Variants in COLEC10 observed in about 807,000 individuals in gnomAD.
COLEC10 encodes collectin subfamily member 10.
In COLEC10, 22 loss-of-function variants were observed where a neutral mutation model predicts 28.4. That is an observed-to-expected ratio of 0.78 (90% CI 0.55 to 1.11). The LOEUF (loss-of-function observed/expected upper bound fraction) is 1.11, where lower values mean the gene tolerates loss of function less well. Among genes scored for constraint, COLEC10 ranks in the 50% least tolerant of loss-of-function variants. COLEC10 has a pLI of 0.00. For missense variants in COLEC10, 361 were observed against 344.1 expected, an observed-to-expected ratio of 1.05 and a Z score of -0.39; for synonymous variants, 125 against 116.1, an observed-to-expected ratio of 1.08 and a Z score of -0.49.
Position 119,101,184 on chromosome 8 carries a change from G to A in COLEC10, c.293-1164G>A, listed in dbSNP as rs183719330. 3.9e-5 allele frequency among the ~76,000 whole-genome samples: 6 copies of A among 152,208 alleles called. No homozygotes were observed. The East Asian group carries it at 1.2e-3, about 29-fold the overall frequency. On this transcript the variant is annotated intron_variant, in intron 3 of 5. Transcript: ENST00000332843. ...CCCTTTTGCATTGTCCCCTTGGGCC[G>A]TATAACTAATTCTCTGACCACACCA... is the stretch of plus-strand genomic sequence containing the variant.
chr8:118,983,539 A>G, the COLEC10 span, among the ~76,000 whole-genome samples: 2,677 of 152,236 alleles, frequency 0.018, 70 homozygotes, highest in African/African-American at 0.061. Context: ...GACACATTGA[A>G]GTCCTAACCC....
In COLEC10 at chr8:119,091,055, C is replaced by T. The variant is rs535662774; in HGVS notation, c.221-94C>T. The T allele has an allele frequency of 6.1e-5, 57 of 937,938 alleles. 1 individual carries two copies. The highest frequency in any genetic ancestry group is 5.9e-4 in the South Asian group (43 of 72,914). The allele number at this position is 937,938 out of a possible 1,614,324, so 58.1% of individuals were successfully genotyped here. A position where few individuals can be genotyped will look rare whatever the true frequency, so the allele number is the denominator to read the frequency against. ...TAGATATCACTGGTAGAAGAATATA[C>T]TTGTTGGTATTTCTTTCAAGTGAAT... On this transcript the variant is annotated intron_variant, in intron 2 of 5. Coordinates refer to ENST00000332843, the MANE Select transcript of COLEC10 (RefSeq NM_006438.5).
chr8:118,989,534 TACACACACACACACACACACACACACAC>T, the COLEC10 span, among the ~76,000 whole-genome samples: 6 of 128,660 alleles, frequency 4.7e-5, no homozygotes, highest in Non-Finnish European at 6.7e-5. Context: ...ACAGACAAAA[TACACACACACACACACACACACACACAC>T]ACACACACAC....
intron 2 of COLEC10, among the ~76,000 whole-genome samples, chr8:119,011,251 T>C (rs550385663): frequency 1.3e-5 from 2 of 151,106 alleles, no homozygotes; most frequent in African/African-American, 4.9e-5. Context: ...TTCTCCATTG[T>C]ATTGCTTTTG....
chr8:118,974,103 C>T, the COLEC10 span, among the ~76,000 whole-genome samples: 1 of 151,888 alleles, frequency 6.6e-6, no homozygotes, highest in Non-Finnish European at 1.5e-5. Context: ...TTCTAAAAGG[C>T]CTTTCTAGTC....
intron 2 of COLEC10, among the ~76,000 whole-genome samples, chr8:119,047,511 T>G (rs1361919738): frequency 6.6e-6 from 1 of 152,214 alleles, no homozygotes; most frequent in Non-Finnish European, 1.5e-5. Context: ...AAGGAAGCTT[T>G]GATTGTATTT....
At chr8:119,036,547 T>C (rs1249257675) in intron 2 of COLEC10, among the ~76,000 whole-genome samples, 1 of 152,190 alleles carries the variant, frequency 6.6e-6, no homozygotes, top group Non-Finnish European at 1.5e-5. Flanking sequence ...ATTAGGCATG[T>C]ATTAATATTA....
intron 2 of COLEC10, among the ~76,000 whole-genome samples, chr8:119,053,855 A>C (rs888030364): frequency 6.6e-6 from 1 of 152,194 alleles, no homozygotes; most frequent in Admixed American, 6.5e-5. Context: ...GGATACTTGA[A>C]ACCGTGGATA....
At chr8:118,968,773 G>GC in the COLEC10 span, among the ~76,000 whole-genome samples, 2 of 151,460 alleles carry the variant, frequency 1.3e-5, no homozygotes, top group Non-Finnish European at 2.9e-5. Context: ...TCCCTCCCTG[G>GC]CCCCCTACCC....
At chr8:119,097,780 T>C (rs938522782) in intron 3 of COLEC10, among the ~76,000 whole-genome samples, 1 of 152,064 alleles carries the variant, frequency 6.6e-6, no homozygotes, top group Non-Finnish European at 1.5e-5. Flanking sequence ...TAAGATCTCA[T>C]GTATTGCTCG....
intron 1 of COLEC10, among the ~76,000 whole-genome samples, chr8:119,069,153 G>A (rs781157643): frequency 1.2e-4 from 18 of 151,790 alleles, no homozygotes; most frequent in South Asian, 2.1e-4. Context: ...TCTTGAGGCC[G>A]GCACCAATTT....
chr8:118,973,301 G>A, the COLEC10 span, among the ~76,000 whole-genome samples: 205 of 152,110 alleles, frequency 1.3e-3, 2 homozygotes, highest in East Asian at 0.029. Flanking sequence ...TGGGTCAGGA[G>A]TCTTGGCACA....
At chr8:119,096,977 A>C (rs1383983799) in intron 3 of COLEC10, among the ~76,000 whole-genome samples, 1 of 152,104 alleles carries the variant, frequency 6.6e-6, no homozygotes, top group Non-Finnish European at 1.5e-5. Context: ...AAATGAATGA[A>C]TATATGGACA....
chr8:119,011,097 T>C (rs1258412609), intron 2 of COLEC10, among the ~76,000 whole-genome samples: 2 of 151,082 alleles, frequency 1.3e-5, no homozygotes, highest in African/African-American at 4.9e-5. Context: ...TTTTCTTCTC[T>C]TGAAGTTTTA....
chr8:118,957,288 TA>T, the COLEC10 span, among the ~76,000 whole-genome samples: 5 of 152,266 alleles, frequency 3.3e-5, no homozygotes, highest in African/African-American at 9.6e-5. Flanking sequence ...AACCTAGAAA[TA>T]AACTCTTCGG....
rs147684892 is a variant in COLEC10, at chr8:118,996,133, G to A, written n.122+560G>A. Among the ~76,000 whole-genome samples, 570 of 152,250 alleles carry A rather than the reference G, an allele frequency of 3.7e-3. 6 individuals carry two copies. The highest frequency in any genetic ancestry group is 0.013 in the African/African-American group (551 of 41,552). On this transcript the variant is annotated intron_variant and non_coding_transcript_variant, in intron 1 of 6. Transcript: ENST00000521788. The stretch of plus-strand genomic sequence containing the variant: ...AACTCACATAAAAAAGGATCATGCT[G>A]TGTTTGTTCTTGTTTGGCTTATTTC...
At chr8:119,058,838 C>A (rs762136623) in intron 2 of COLEC10, among the ~76,000 whole-genome samples, 5 of 152,016 alleles carry the variant, frequency 3.3e-5, no homozygotes, top group Admixed American at 6.6e-5. Flanking sequence ...AAGAAGCTGA[C>A]CAACTGTTTT....
the COLEC10 span, among the ~76,000 whole-genome samples, chr8:118,976,920 C>T: frequency 2.0e-5 from 3 of 151,258 alleles, no homozygotes; most frequent in South Asian, 2.1e-4. Context: ...ACAAACAACC[C>T]CATCAAAAAG....
intron 2 of COLEC10, among the ~76,000 whole-genome samples, chr8:119,059,570 G>A (rs773571002): frequency 6.6e-5 from 10 of 152,016 alleles, no homozygotes; most frequent in African/African-American, 1.2e-4. Flanking sequence ...TACTTTGTTT[G>A]CATATCTCCC....
Sources: gnomAD v4.1 joint callset for allele counts (sites outside exome capture counted in the v4.1 genomes callset) on GRCh38, gnomAD v4.1.1 for gene constraint, MANE v1.5 for transcripts, NCBI Gene and HGNC (gene_info 2026-07-23, HGNC 2026-07-21) for gene names.